Variants in EXOC2 observed in about 807,000 individuals in gnomAD.
The protein encoded by EXOC2 is exocyst complex component 2.
A neutral mutation model predicts 131.8 loss-of-function variants in EXOC2; 70 were observed. The observed-to-expected ratio is 0.53, with a 90% confidence interval of 0.44 to 0.65. The LOEUF is 0.65. EXOC2 is among the 30% of genes least tolerant of loss of function. The pLI is 0.00. For missense variants in EXOC2, 923 were observed against 1,108.6 expected, an observed-to-expected ratio of 0.83 and a Z score of 2.38; for synonymous variants, 411 against 398.4, an observed-to-expected ratio of 1.03 and a Z score of -0.38.
chr6:570,418 C>T (rs1758214704), intron 13 of EXOC2, among the ~76,000 whole-genome samples: 1 of 152,228 alleles, frequency 6.6e-6, no homozygotes, highest in Non-Finnish European at 1.5e-5. Context: ...TAGGCATGAG[C>T]CACCGCGCCT....
intron 22 of EXOC2, among the ~76,000 whole-genome samples, chr6:545,498 C>A (rs527975059): frequency 6.6e-6 from 1 of 152,220 alleles, no homozygotes; most frequent in African/African-American, 2.4e-5. Context: ...TCTCTAAGAG[C>A]CTTCAAAATT....
intron 23 of EXOC2, among the ~76,000 whole-genome samples, chr6:502,774 T>C (rs1392594836): frequency 6.6e-6 from 1 of 152,210 alleles, no homozygotes. Context: ...GAAAGAACTT[T>C]TGTATTTCTA....
intron 1 of EXOC2, among the ~76,000 whole-genome samples, chr6:684,123 C>G (rs193059185): frequency 3.3e-5 from 5 of 152,270 alleles, no homozygotes; most frequent in South Asian, 4.2e-4. Context: ...CTCCCTCGCA[C>G]GCAACATCTA....
intron 1 of EXOC2, among the ~76,000 whole-genome samples, chr6:655,031 T>A (rs189752011): frequency 6.6e-6 from 1 of 152,308 alleles, no homozygotes; most frequent in African/African-American, 2.4e-5. Flanking sequence ...ACTTGGTTGA[T>A]AAACCAGTGG....
intron 26 of EXOC2, 68 bp from the exon 27 acceptor site, chr6:489,106 A>T: frequency 6.8e-7 from 1 of 1,470,334 alleles, no homozygotes; most frequent in Admixed American, 1.8e-5. Flanking sequence ...ATTCTTAAGC[A>T]TCCCTTAATT....
Position 610,079 on chromosome 6 carries a change from G to A in EXOC2, c.742+19C>T, listed in dbSNP as rs767563879. ...TTGTAAAATCCATAAATAGTTCTGG[G>A]TAGTAGGACAAAACTTACTGTTCAG... is the stretch of plus-strand genomic sequence containing the variant. On this transcript the variant is annotated intron_variant, in intron 7 of 27. Coordinates refer to ENST00000230449, the MANE Select transcript of EXOC2 (RefSeq NM_018303.6). The A allele has an allele frequency of 5.0e-6, 8 of 1,606,886 alleles. No homozygotes were observed.
chr6:596,041 C>T (rs148675609), intron 10 of EXOC2, among the ~76,000 whole-genome samples: 239 of 152,178 alleles, frequency 1.6e-3, no homozygotes, highest in Non-Finnish European at 2.2e-3. Context: ...GGGCAAGCTT[C>T]CGTGTTTTCA....
At chr6:603,044 T>C (rs1760189548) in intron 7 of EXOC2, among the ~76,000 whole-genome samples, 1 of 152,228 alleles carries the variant, frequency 6.6e-6, no homozygotes, top group South Asian at 2.1e-4. Context: ...TGCTTTCTCT[T>C]ATTTCAAAGT....
rs1480817355 is a variant in EXOC2 at position 485,180 on chromosome 6, A to C, written c.*1491T>G. ...TAAAGGCAGATTCTTTATTGGCTGAATGTGCTGTAGTAGATATTTAAAATA... is the reference window on the plus strand; with the variant it reads ...TAAAGGCAGATTCTTTATTGGCTGACTGTGCTGTAGTAGATATTTAAAATA... On this transcript the variant is annotated 3_prime_UTR_variant, in exon 28 of 28. Coordinates refer to ENST00000230449, the MANE Select transcript of EXOC2 (RefSeq NM_018303.6). The C allele has an allele frequency of 6.6e-6, 1 of 152,266 alleles. No individual in the cohort carries two copies. The allele number at this position is 152,266 out of a possible 1,614,324, so 9.4% of individuals were successfully genotyped here. A position where few individuals can be genotyped will look rare whatever the true frequency, so the allele number is the denominator to read the frequency against.
At chr6:546,290 C>T (rs896399378) in intron 22 of EXOC2, among the ~76,000 whole-genome samples, 9 of 152,106 alleles carry the variant, frequency 5.9e-5, no homozygotes, top group Non-Finnish European at 1.3e-4. Flanking sequence ...GCAGGACGCT[C>T]CCTGTTGGCA....
intron 11 of EXOC2, among the ~76,000 whole-genome samples, chr6:581,500 G>A (rs1466823317): frequency 1.3e-5 from 2 of 152,076 alleles, no homozygotes; most frequent in South Asian, 2.1e-4. Flanking sequence ...ATACAAAATT[G>A]CGAACAGGCA....
At chr6:645,591 CTT>C (rs70985807) in intron 1 of EXOC2, among the ~76,000 whole-genome samples, 4 of 151,220 alleles carry the variant, frequency 2.6e-5, no homozygotes, top group Admixed American at 1.3e-4. Context: ...GGAAGCAACC[CTT>C]TTTTTTTTGA....
chr6:502,171 C>T (rs183675766), intron 23 of EXOC2, among the ~76,000 whole-genome samples: 88 of 152,220 alleles, frequency 5.8e-4, no homozygotes, highest in Admixed American at 2.0e-3. Flanking sequence ...TACTGAAAAT[C>T]GAAGCACAAT....
intron 1 of EXOC2, 107 bp downstream of exon 1, chr6:692,912 C>A (rs1049120426): frequency 6.6e-6 from 1 of 152,320 alleles, no homozygotes; most frequent in Non-Finnish European, 1.5e-5. Flanking sequence ...GCGCGGCTGT[C>A]CCTTCACCGC....
chr6:623,307 G>A (rs2127687954), intron 4 of EXOC2, among the ~76,000 whole-genome samples: 1 of 152,302 alleles, frequency 6.6e-6, no homozygotes, highest in South Asian at 2.1e-4. Flanking sequence ...GTTCCTTCAG[G>A]CCCCTGAACT....
rs1367640952 is a variant in EXOC2, at chr6:592,508, T to C, written c.1153A>G (p.Met385Val). ...GAQHKWILQL[M>V]HSCKEGYVKD... is the part of the protein sequence containing the mutation. ...ACGTAGCCCTCTTTGCAACTGTGCATGAGCTGAAGGATCCACTTGTGTTGG... is the reference window on the plus strand; with the variant it reads ...ACGTAGCCCTCTTTGCAACTGTGCACGAGCTGAAGGATCCACTTGTGTTGG... The change falls in exon 11 of 28, where the codon ATG becomes GTG. Residue 385 changes from methionine (M) to valine (V), a missense_variant. Coordinates refer to ENST00000230449, the MANE Select transcript of EXOC2 (RefSeq NM_018303.6). 3 of 1,613,960 alleles carry C rather than the reference T, an allele frequency of 1.9e-6. No individual in the cohort carries two copies. Among genetic ancestry groups the C allele is most frequent in the Non-Finnish European group, 2.5e-6 (3 of 1,179,996 alleles).
chr6:526,254 C>T (rs1012426545), intron 23 of EXOC2, among the ~76,000 whole-genome samples: 5 of 152,100 alleles, frequency 3.3e-5, no homozygotes, highest in African/African-American at 1.2e-4. Context: ...TCAAGCTTTA[C>T]AGTATCTGTC....
At chr6:519,087 C>T (rs576421975) in intron 23 of EXOC2, among the ~76,000 whole-genome samples, 2 of 144,664 alleles carry the variant, frequency 1.4e-5, no homozygotes, top group Admixed American at 1.4e-4. Flanking sequence ...CACCGAGCGC[C>T]GACACTCACC....
At chr6:677,640 TG>T (rs1255594747) in intron 1 of EXOC2, among the ~76,000 whole-genome samples, 4 of 152,276 alleles carry the variant, frequency 2.6e-5, no homozygotes, top group Admixed American at 1.3e-4. Flanking sequence ...GACTAATTTT[TG>T]TATTTTTAGT....
Sources: gnomAD v4.1 joint callset for allele counts (sites outside exome capture counted in the v4.1 genomes callset) on GRCh38, gnomAD v4.1.1 for gene constraint, MANE v1.5 for transcripts, NCBI Gene and HGNC (gene_info 2026-07-23, HGNC 2026-07-21) for gene names.